Variants in CAMK2B observed in about 807,000 individuals in gnomAD.
CAMK2B encodes calcium/calmodulin dependent protein kinase II beta.
In CAMK2B, 27 loss-of-function variants were observed where a neutral mutation model predicts 93.7. The observed-to-expected ratio is 0.29, with a 90% confidence interval of 0.21 to 0.40. The LOEUF is 0.40. Among genes scored for constraint, CAMK2B ranks in the 10% least tolerant of loss-of-function variants. The probability of loss-of-function intolerance (pLI) is 1.00; values close to 1 mark genes in which losing one functional copy is unlikely to be tolerated. For missense variants in CAMK2B, 568 were observed against 895.8 expected, an observed-to-expected ratio of 0.63 and a Z score of 4.67; for synonymous variants, 374 against 358.8, an observed-to-expected ratio of 1.04 and a Z score of -0.48.
At chr7:44,243,883 T>C (rs1257820999) in intron 6 of CAMK2B, among the ~76,000 whole-genome samples, 1 of 152,180 alleles carries the variant, frequency 6.6e-6, no homozygotes, top group East Asian at 1.9e-4. Flanking sequence ...AAACTAAATG[T>C]TCCCCACAGC....
At chr7:44,229,576 G>C in intron 17 of CAMK2B, 75 bp from the exon 18 acceptor site, 1 of 662,380 alleles carries the variant, frequency 1.5e-6, no homozygotes, top group Non-Finnish European at 2.4e-6. Flanking sequence ...GAAGGACAGG[G>C]GGAGGCCAGG....
At chr7:44,285,370 CAGG>C (rs1412851042) in intron 1 of CAMK2B, among the ~76,000 whole-genome samples, 2 of 152,194 alleles carry the variant, frequency 1.3e-5, no homozygotes, top group African/African-American at 4.8e-5. Flanking sequence ...AGCCCACCAC[CAGG>C]TGGGCACCCA....
Position 44,217,561 on chromosome 7 carries a change from G to A in CAMK2B, c.*1964C>T, listed in dbSNP as rs758816107. The A allele has an allele frequency of 6.6e-6, 1 of 152,324 alleles. No individual in the cohort carries two copies. The highest frequency in any genetic ancestry group is 1.5e-5 in the Non-Finnish European group (1 of 68,122). The allele number at this position is 152,324 out of a possible 1,614,324, so 9.4% of individuals were successfully genotyped here. A position where few individuals can be genotyped will look rare whatever the true frequency, so the allele number is the denominator to read the frequency against. On this transcript the variant is annotated 3_prime_UTR_variant, in exon 24 of 24. Transcript: ENST00000395749. ...AGCCCTGCCGCTGTCCCATGGCCCA[G>A]GGAGCCACTGGTGCGGAGCCCGGCA...
chr7:44,308,084 G>A (rs1429885280), intron 1 of CAMK2B, among the ~76,000 whole-genome samples: 4 of 152,312 alleles, frequency 2.6e-5, no homozygotes, highest in East Asian at 1.9e-4. Context: ...ATGCTGGGAG[G>A]GCCTGCTGTG....
At chr7:44,325,197 G>A in intron 1 of CAMK2B, 160 bp downstream of exon 1, 1 of 215,796 alleles carries the variant, frequency 4.6e-6, no homozygotes, top group Non-Finnish European at 7.8e-6. Context: ...CCGGGGGCTC[G>A]CGGGTCGGGG....
chr7:44,247,263 G>T, intron 5 of CAMK2B, 71 bp from the exon 6 acceptor site: 1 of 1,300,008 alleles, frequency 7.7e-7, no homozygotes, highest in Non-Finnish European at 1.1e-6. Context: ...TGGGGGCAGG[G>T]GCAATGGTGC....
At chr7:44,319,480 G>A (rs1420466872) in intron 1 of CAMK2B, among the ~76,000 whole-genome samples, 4 of 152,158 alleles carry the variant, frequency 2.6e-5, no homozygotes, top group Admixed American at 2.0e-4. Context: ...TCTGCTCTTC[G>A]GGATTCCTAG....
At position 44,279,785 on chromosome 7, in the gene CAMK2B, AG is replaced by A. The variant is rs141441696; in HGVS notation, c.160+4345del. ...CATAGAGCACTTTGAGAATATAAAT[AG>A]GGGTTGTGAGGTTAATTTAGAGGAG... On this transcript the variant is annotated intron_variant, in intron 2 of 23. Coordinates refer to ENST00000395749, the MANE Select transcript of CAMK2B (RefSeq NM_001220.5). 9.7e-3 allele frequency among the ~76,000 whole-genome samples: 1,477 copies of A among 152,318 alleles called. 29 individuals are homozygous for A. The highest frequency in any genetic ancestry group is 0.034 in the African/African-American group (1,407 of 41,556).
chr7:44,274,249 G>T (rs1177856098), intron 2 of CAMK2B, among the ~76,000 whole-genome samples: 2 of 152,134 alleles, frequency 1.3e-5, no homozygotes, highest in East Asian at 3.9e-4. Flanking sequence ...TGACCTCAGA[G>T]CCGCTGTGCA....
At chr7:44,220,766 C>A (rs943464309) in intron 21 of CAMK2B, 56 bp from the exon 22 acceptor site, 9 of 1,562,496 alleles carry the variant, frequency 5.8e-6, no homozygotes, top group Admixed American at 1.9e-5. Context: ...TCTGAGCAGG[C>A]CCCCCCAAGG....
chr7:44,238,207 G>A (rs2096643800), intron 13 of CAMK2B, among the ~76,000 whole-genome samples: 1 of 152,170 alleles, frequency 6.6e-6, no homozygotes, highest in African/African-American at 2.4e-5. Flanking sequence ...AGCCATGCTG[G>A]GCTCTGTCCA....
intron 5 of CAMK2B, among the ~76,000 whole-genome samples, chr7:44,250,163 C>A (rs1026688515): frequency 6.6e-6 from 1 of 152,216 alleles, no homozygotes; most frequent in Non-Finnish European, 1.5e-5. Context: ...ATGGGACAAC[C>A]ACCTGGCCTG....
intron 19 of CAMK2B, 92 bp downstream of exon 19, chr7:44,228,704 G>A: frequency 8.1e-7 from 1 of 1,227,658 alleles, no homozygotes; most frequent in Non-Finnish European, 1.1e-6. Flanking sequence ...GGGTAGCTGG[G>A]CCGTGCATGC....
chr7:44,321,506 T>C (rs1246041321), intron 1 of CAMK2B, among the ~76,000 whole-genome samples: 2 of 152,208 alleles, frequency 1.3e-5, no homozygotes, highest in Non-Finnish European at 2.9e-5. Context: ...CAATCTTTCC[T>C]GAACTTCGGT....
At chr7:44,255,495 G>A (rs1464977824) in intron 4 of CAMK2B, among the ~76,000 whole-genome samples, 1 of 152,108 alleles carries the variant, frequency 6.6e-6, no homozygotes, top group Non-Finnish European at 1.5e-5. Flanking sequence ...AGAAGGTTAG[G>A]GTCACTGCTC....
intron 2 of CAMK2B, among the ~76,000 whole-genome samples, chr7:44,275,832 T>C (rs1214719695): frequency 6.6e-6 from 1 of 152,038 alleles, no homozygotes; most frequent in African/African-American, 2.4e-5. Flanking sequence ...ACTCCTTCTG[T>C]ACCTGGATGC....
At chr7:44,244,876 A>C (rs1584124709) in intron 6 of CAMK2B, 1 of 451,148 alleles carries the variant, frequency 2.2e-6, no homozygotes, top group Non-Finnish European at 4.4e-6. Context: ...TCTGTCCCCC[A>C]CCTCCACCTC....
chr7:44,301,812 A>G, intron 1 of CAMK2B, among the ~76,000 whole-genome samples: 1 of 152,126 alleles, frequency 6.6e-6, no homozygotes, highest in Admixed American at 6.6e-5. Context: ...AGAAATCTAA[A>G]ATCAGTAATT....
chr7:44,298,653 T>C lies in CAMK2B; in HGVS notation c.66-14428A>G, dbSNP rs371250567. Among the ~76,000 whole-genome samples, 12 of 152,158 alleles carry C rather than the reference T, an allele frequency of 7.9e-5. No homozygotes were observed. The East Asian group carries it at 1.3e-3, about 17-fold the overall frequency. On this transcript the variant is annotated intron_variant, in intron 1 of 23. Transcript: ENST00000395749. The stretch of plus-strand genomic sequence containing the variant: ...TCACCTATCTGATGACGGATAAATA[T>C]AGGAGAACTACTAAACGTCAATAAC...
Sources: allele counts gnomAD v4.1 joint callset (sites outside exome capture counted in the v4.1 genomes callset), GRCh38; gene constraint gnomAD v4.1.1; transcripts MANE v1.5; gene names NCBI Gene and HGNC (gene_info 2026-07-23, HGNC 2026-07-21).